NAV2: variants seen among roughly 807,000 people sequenced by gnomAD.
NAV2 encodes helicase, APC down-regulated 1.
Under a neutral mutation model 223.2 loss-of-function variants are expected in NAV2, and 54 were observed. The ratio of observed to expected loss-of-function variants is 0.24; its 90% CI spans 0.19 to 0.30. NAV2 has a LOEUF of 0.30. Among genes scored for constraint, NAV2 ranks in the 10% least tolerant of loss-of-function variants. The pLI is 1.00. For synonymous variants in NAV2, 1,279 were observed against 1,239.3 expected, an observed-to-expected ratio of 1.03 and a Z score of -0.67; for missense variants, 2,806 against 3,147.5, an observed-to-expected ratio of 0.89 and a Z score of 2.60.
At chr11:20,057,477 G>A (rs938676873) in intron 19 of NAV2, among the ~76,000 whole-genome samples, 9 of 152,182 alleles carry the variant, frequency 5.9e-5, no homozygotes, top group African/African-American at 2.2e-4. Flanking sequence ...TCACTGAGGG[G>A]CATTTGTGAG....
chr11:19,902,726 A>G (rs937980551), intron 6 of NAV2, among the ~76,000 whole-genome samples: 2 of 152,130 alleles, frequency 1.3e-5, no homozygotes, highest in Admixed American at 6.5e-5. Flanking sequence ...GTGCTCTCAT[A>G]ATAGTCATTT....
At chr11:19,422,847 A>T (rs922308142) in intron 1 of NAV2, among the ~76,000 whole-genome samples, 1 of 152,160 alleles carries the variant, frequency 6.6e-6, no homozygotes, top group East Asian at 1.9e-4. Flanking sequence ...CCATTGATTC[A>T]AGAGGCATGT....
At chr11:19,527,134 G>A (rs550938148) in intron 1 of NAV2, among the ~76,000 whole-genome samples, 52 of 151,900 alleles carry the variant, frequency 3.4e-4, no homozygotes, top group African/African-American at 1.1e-3. Context: ...TAATTCCCAC[G>A]TGTTGTGGGA....
rs115914661 is a variant in NAV2, at chr11:19,676,842, C to T, written c.76-155642C>T. On this transcript the variant is annotated intron_variant, in intron 1 of 37. Coordinates refer to the NAV2 transcript ENST00000360655. ...TTGTGGGTCAGGCCAGAGCAGCTGG[C>T]CCTCTCTTTTTACGGGGATAAAAGT... is the stretch of plus-strand genomic sequence containing the variant. 5.0e-3 allele frequency among the ~76,000 whole-genome samples: 760 copies of T among 152,284 alleles called. 3 individuals are homozygous for T. Among genetic ancestry groups the T allele is most frequent in the African/African-American group, 0.018 (730 of 41,568 alleles).
chr11:20,025,795 T>C (rs2054998325), intron 11 of NAV2, among the ~76,000 whole-genome samples: 1 of 152,244 alleles, frequency 6.6e-6, no homozygotes, highest in African/African-American at 2.4e-5. Flanking sequence ...CCTAGGACAC[T>C]ATCCATTTAT....
At chr11:19,466,984 T>TATACACACACAC (rs1554940926) in intron 1 of NAV2, among the ~76,000 whole-genome samples, 1 of 125,142 alleles carries the variant, frequency 8.0e-6, no homozygotes, top group African/African-American at 3.1e-5. Context: ...TCTCTCTCTC[T>TATACACACACAC]ACACACACAC....
At chr11:19,661,737 A>T (rs1157486910) in intron 1 of NAV2, among the ~76,000 whole-genome samples, 2 of 152,222 alleles carry the variant, frequency 1.3e-5, no homozygotes, top group East Asian at 3.8e-4. Flanking sequence ...AGAGTCTGAC[A>T]TTCAATACTC....
chr11:19,587,543 G>T (rs1242687385), intron 1 of NAV2, among the ~76,000 whole-genome samples: 2 of 152,178 alleles, frequency 1.3e-5, no homozygotes, highest in East Asian at 3.9e-4. Context: ...TTCTCTAAAA[G>T]ATTGAGAGTT....
intron 11 of NAV2, among the ~76,000 whole-genome samples, chr11:19,994,877 C>A (rs557297968): frequency 5.3e-5 from 8 of 152,290 alleles, no homozygotes; most frequent in Middle Eastern, 3.4e-3. Context: ...TCAATTGTAG[C>A]CCTGTCATTT....
chr11:19,873,804 T>A (rs189837418), intron 4 of NAV2, among the ~76,000 whole-genome samples: 99 of 152,272 alleles, frequency 6.5e-4, no homozygotes, highest in Non-Finnish European at 2.6e-4. Flanking sequence ...CTCATCCCAC[T>A]TCTCCTGTGG....
intron 11 of NAV2, among the ~76,000 whole-genome samples, chr11:20,031,086 G>A (rs536101089): frequency 8.5e-5 from 13 of 152,264 alleles, no homozygotes; most frequent in African/African-American, 2.9e-4. Flanking sequence ...TTCTCCGACT[G>A]TTTCAGGACC....
At chr11:19,583,051 A>T (rs1303456748) in intron 1 of NAV2, among the ~76,000 whole-genome samples, 1 of 152,046 alleles carries the variant, frequency 6.6e-6, no homozygotes, top group Non-Finnish European at 1.5e-5. Context: ...CTTTTATTTC[A>T]TTGAGCAGTG....
At chr11:19,572,484 C>G (rs1565061924) in intron 1 of NAV2, among the ~76,000 whole-genome samples, 1 of 152,156 alleles carries the variant, frequency 6.6e-6, no homozygotes, top group South Asian at 2.1e-4. Context: ...AAGGACTTGA[C>G]CTGGGGCAAA....
At chr11:19,776,676 G>GTGTGTGTGTGTGTGTGT (rs61624701) in intron 1 of NAV2, among the ~76,000 whole-genome samples, 8 of 147,760 alleles carry the variant, frequency 5.4e-5, no homozygotes, top group Non-Finnish European at 6.0e-5. Flanking sequence ...GTGTGTGTGT[G>GTGTGTGTGTGTGTGTGT]GTTAGAGTTG....
chr11:20,022,681 G>C (rs2054611488), intron 11 of NAV2: 6 of 1,000,866 alleles, frequency 6.0e-6, no homozygotes, highest in Non-Finnish European at 7.1e-6. Context: ...CAATGTTTCT[G>C]TGCAGTCTGT....
intron 1 of NAV2, among the ~76,000 whole-genome samples, chr11:19,564,190 C>A (rs1487195): frequency 0.036 from 5,414 of 152,174 alleles, 214 homozygotes; most frequent in East Asian, 0.18. Flanking sequence ...TGACAAGAGC[C>A]ACCAGCAGGG....
intron 1 of NAV2, among the ~76,000 whole-genome samples, chr11:19,395,161 G>A (rs1370771740): frequency 1.3e-5 from 2 of 152,334 alleles, no homozygotes; most frequent in Non-Finnish European, 2.9e-5. Flanking sequence ...CTGTGAGCAT[G>A]TGCCCATGTG....
chr11:19,551,171 C>T (rs958282374), intron 1 of NAV2, among the ~76,000 whole-genome samples: 5 of 152,382 alleles, frequency 3.3e-5, no homozygotes, highest in African/African-American at 1.2e-4. Flanking sequence ...AGCTAAGCCC[C>T]ACTTTGGGGT....
At chr11:19,941,005 A>T (rs1003410469) in intron 8 of NAV2, among the ~76,000 whole-genome samples, 2 of 152,206 alleles carry the variant, frequency 1.3e-5, no homozygotes, top group Non-Finnish European at 2.9e-5. Flanking sequence ...TGATGTGCAG[A>T]CATCAAAAGA....
Sources: gnomAD v4.1 joint callset for allele counts (sites outside exome capture counted in the v4.1 genomes callset) on GRCh38, gnomAD v4.1.1 for gene constraint, MANE v1.5 for transcripts, NCBI Gene and HGNC (gene_info 2026-07-23, HGNC 2026-07-21) for gene names.